TSEN2: variants seen among roughly 807,000 people sequenced by gnomAD.
TSEN2 encodes tRNA-splicing endonuclease subunit Sen2.
A neutral mutation model predicts 59.2 loss-of-function variants in TSEN2; 54 were observed. The ratio of observed to expected loss-of-function variants is 0.91; its 90% confidence interval spans 0.73 to 1.14. The LOEUF (loss-of-function observed/expected upper bound fraction) is 1.14. Ranked by LOEUF, TSEN2 falls within the 50% of genes most tolerant of loss-of-function variation. The pLI is 0.00. For missense variants in TSEN2, 636 were observed against 576.2 expected (o/e 1.10, Z -1.06); for synonymous variants, 195 against 198.2 (o/e 0.98, Z 0.14).
chr3:12,496,177 G>C (rs2053729127), intron 3 of TSEN2, among the ~76,000 whole-genome samples: 1 of 152,214 alleles, frequency 6.6e-6, no homozygotes, highest in Non-Finnish European at 1.5e-5. Context: ...TACCTCTAGG[G>C]CCTCAGCATT....
chr3:12,484,870 G>A lies in TSEN2; in HGVS notation c.-28G>A, dbSNP rs1309407770. ...TCGGGTGTGGGGGTAGTCAAGGAAA[G>A]AAGCAAAGGGGTAAGACAGGGAGTT... On this transcript the variant is annotated 5_prime_UTR_variant, in exon 1 of 12. Coordinates refer to ENST00000284995, the MANE Select transcript of TSEN2 (RefSeq NM_025265.4). The A allele has an allele frequency of 2.0e-5, 3 of 152,394 alleles. No homozygotes were observed. The highest frequency in any genetic ancestry group is 4.4e-5 in the Non-Finnish European group (3 of 68,164). The allele number at this position is 152,394 out of a possible 1,614,324, so 9.4% of individuals were successfully genotyped here.
intron 6 of TSEN2, among the ~76,000 whole-genome samples, chr3:12,510,645 C>T (rs1007861986): frequency 1.3e-5 from 2 of 152,116 alleles, no homozygotes; most frequent in African/African-American, 4.8e-5. Flanking sequence ...ACCCGTTTTT[C>T]CCACATTTCT....
At chr3:12,519,283 G>A (rs2056421738) in intron 8 of TSEN2, 86 bp downstream of exon 8, 1 of 1,560,150 alleles carries the variant, frequency 6.4e-7, no homozygotes. Context: ...GTGTGCTGTT[G>A]ATGATGTTTT....
chr3:12,520,219 C>T (rs927951541), intron 8 of TSEN2, among the ~76,000 whole-genome samples: 1 of 152,150 alleles, frequency 6.6e-6, no homozygotes, highest in Non-Finnish European at 1.5e-5. Flanking sequence ...AGGATGGTCT[C>T]GATCTCCTGA....
At chr3:12,516,443 TATATG>T (rs1287207516) in intron 6 of TSEN2, among the ~76,000 whole-genome samples, 163 bp from the exon 7 acceptor site, 1 of 27,166 alleles carries the variant, frequency 3.7e-5, no homozygotes, top group African/African-American at 2.4e-4. Flanking sequence ...ACAAACAAAA[TATATG>T]TGTGTGTGTG....
chr3:12,485,642 G>T (rs2052540691), intron 1 of TSEN2, among the ~76,000 whole-genome samples: 1 of 152,180 alleles, frequency 6.6e-6, no homozygotes, highest in Non-Finnish European at 1.5e-5. Flanking sequence ...CTGGGCATGA[G>T]GAGTTAAGGG....
At position 12,489,883 on chromosome 3, in the gene TSEN2, G is replaced by C. The variant is rs1355651477; in HGVS notation, c.83G>C (p.Gly28Ala). Residue 28 changes from glycine to alanine, a missense_variant, in exon 2 of 12, where the codon GGT (glycine) becomes GCT (alanine). By Grantham distance (60) the Gly-to-Ala change is moderately conservative. Transcript: ENST00000284995. ...TYESPLPIPFGQDHGPLKEFK... is the reference protein window; with the variant it reads ...TYESPLPIPFAQDHGPLKEFK... ...GAGTCTCCATTGCCAATCCCTTTTG[G>C]TCAGGACCATGGTCCTCTGAAAGAA... 1 of 1,614,016 alleles carries C rather than the reference G, an allele frequency of 6.2e-7. No individual in the cohort carries two copies. Among genetic ancestry groups the C allele is most frequent in the Non-Finnish European group, 8.5e-7 (1 of 1,179,984 alleles).
At chr3:12,534,406 A>G (rs751399795), downstream of TSEN2, among the ~76,000 whole-genome samples, 3 of 152,164 alleles carry the variant, frequency 2.0e-5, no homozygotes, top group Non-Finnish European at 4.4e-5. Flanking sequence ...TTCAAATCTC[A>G]GCTCTGCTTC....
upstream of TSEN2, among the ~76,000 whole-genome samples, chr3:12,482,550 A>ATT (rs11379990): frequency 2.6e-5 from 4 of 151,770 alleles, no homozygotes; most frequent in Non-Finnish European, 4.4e-5. Flanking sequence ...AAATTTACAG[A>ATT]TTTTTTTTCT....
At chr3:12,502,530 C>T (rs1372463154) in intron 4 of TSEN2, among the ~76,000 whole-genome samples, 1 of 151,494 alleles carries the variant, frequency 6.6e-6, no homozygotes, top group Non-Finnish European at 1.5e-5. Context: ...AGCAAGACTC[C>T]ATCTCAAAAA....
intron 4 of TSEN2, among the ~76,000 whole-genome samples, chr3:12,501,870 A>G (rs1355330778): frequency 1.3e-5 from 2 of 152,214 alleles, no homozygotes; most frequent in Non-Finnish European, 2.9e-5. Context: ...GATTTCCAAC[A>G]TCTGGTAGTT....
rs531672847 is a variant in TSEN2, at chr3:12,504,897, A to G, written c.832-257A>G. Among the ~76,000 whole-genome samples the G allele has an allele frequency of 2.0e-5, 3 of 152,272 alleles. No homozygotes were observed. In the East Asian group the frequency reaches 5.8e-4, roughly 29 times the overall value. On this transcript the variant is annotated intron_variant, in intron 5 of 11. Transcript: ENST00000284995. The stretch of plus-strand genomic sequence containing the variant: ...ACGCCTGTAGTCCCAGCTACTGGGA[A>G]GGCTGAGGCAGAAGAATTGCTTGAG...
At chr3:12,507,118 G>A (rs930867343) in intron 6 of TSEN2, among the ~76,000 whole-genome samples, 22 of 152,134 alleles carry the variant, frequency 1.4e-4, no homozygotes, top group Non-Finnish European at 1.0e-4. Context: ...ACTTGAACCC[G>A]GGAGGCGGAG....
At chr3:12,490,032 T>C in intron 2 of TSEN2, 43 bp downstream of exon 2, 1 of 1,584,140 alleles carries the variant, frequency 6.3e-7, no homozygotes, top group East Asian at 2.2e-5. Context: ...CAGACAACCC[T>C]GAGCAAGCAG....
chr3:12,537,947 A>G (rs2057715325), downstream of TSEN2, among the ~76,000 whole-genome samples: 1 of 152,180 alleles, frequency 6.6e-6, no homozygotes, highest in Non-Finnish European at 1.5e-5. Flanking sequence ...ATGTGAAGAA[A>G]TGGGGGCAAA....
In TSEN2 at chr3:12,533,233, A is replaced by T. The variant is rs2057574478; in HGVS notation, c.*512A>T. ...CTTCACTGCACTTGTTATAAAAATGAGTGGTGAAATAATGTTTGGAGACAT... is the reference window on the plus strand; with the variant it reads ...CTTCACTGCACTTGTTATAAAAATGTGTGGTGAAATAATGTTTGGAGACAT... On this transcript the variant is annotated 3_prime_UTR_variant, in exon 12 of 12. Coordinates refer to ENST00000284995, the MANE Select transcript of TSEN2 (RefSeq NM_025265.4). 1 of 157,104 alleles carries T rather than the reference A, an allele frequency of 6.4e-6. No homozygotes were observed. Among genetic ancestry groups the T allele is most frequent in the Admixed American group, 6.1e-5 (1 of 16,336 alleles). The allele number at this position is 157,104 out of a possible 1,614,324, so 9.7% of individuals were successfully genotyped here. A position where few individuals can be genotyped will look rare whatever the true frequency, so the allele number is the denominator to read the frequency against.
rs1417674093 is a variant in TSEN2 at position 12,533,653 on chromosome 3, C to T, written c.*932C>T. 9.7e-6 allele frequency: 1 copy of T among 103,324 alleles called. No individual in the cohort carries two copies. The highest frequency in any genetic ancestry group is 1.2e-4 in the Admixed American group (1 of 8,658). The allele number at this position is 103,324 out of a possible 1,614,324, so 6.4% of individuals were successfully genotyped here. A position where few individuals can be genotyped will look rare whatever the true frequency, so the allele number is the denominator to read the frequency against. On this transcript the variant is annotated 3_prime_UTR_variant, in exon 12 of 12. Transcript: ENST00000284995. ...CCAGCCTGAGCAATAGAGCAAGGTC[C>T]TGTCTCAAAAAAAAAAAAAAAAAAA...
upstream of TSEN2, among the ~76,000 whole-genome samples, chr3:12,481,836 T>G (rs2052196660): frequency 6.6e-6 from 1 of 152,128 alleles, no homozygotes; most frequent in Admixed American, 6.6e-5. Flanking sequence ...ATTCAGTGTT[T>G]GTGGCAACTT....
chr3:12,516,522 T>C, intron 6 of TSEN2, 89 bp from the exon 7 acceptor site: 1 of 1,173,124 alleles, frequency 8.5e-7, no homozygotes, highest in South Asian at 1.2e-5. Context: ...GCATTTGTAT[T>C]TGAGGTGAAA....
Sources: gnomAD v4.1 joint callset for allele counts (sites outside exome capture counted in the v4.1 genomes callset) on GRCh38, gnomAD v4.1.1 for gene constraint, MANE v1.5 for transcripts, NCBI Gene and HGNC (gene_info 2026-07-23, HGNC 2026-07-21) for gene names.